The following PHLPP2 variants were observed in gnomAD, a reference collection of about 807,000 sequenced individuals.
PHLPP2 encodes the protein PH domain leucine-rich repeat-containing protein phosphatase 2.
PHLPP2 carries 66 observed loss-of-function variants against 124.9 expected under a neutral mutation model. That is an observed-to-expected ratio of 0.53 (90% CI 0.43 to 0.65). The LOEUF is 0.65. PHLPP2 is among the 30% of genes least tolerant of loss of function. PHLPP2 has a pLI of 0.00. For synonymous variants in PHLPP2, 681 were observed against 624.7 expected, an observed-to-expected ratio of 1.09 and a Z score of -1.34; for missense variants, 1,685 against 1,600.4, an observed-to-expected ratio of 1.05 and a Z score of -0.90.
At chr16:71,674,258 TAGTAG>T (rs2145331312) in intron 9 of PHLPP2, among the ~76,000 whole-genome samples, 1 of 152,216 alleles carries the variant, frequency 6.6e-6, no homozygotes, top group South Asian at 2.1e-4. Context: ...TTTGTATTTT[TAGTAG>T]AGATGGGGTT....
At chr16:71,708,701 A>C (rs1221086567) in intron 2 of PHLPP2, among the ~76,000 whole-genome samples, 1 of 152,158 alleles carries the variant, frequency 6.6e-6, no homozygotes, top group African/African-American at 2.4e-5. Flanking sequence ...CATGAGAATC[A>C]CTTGAACCCA....
intron 13 of PHLPP2, among the ~76,000 whole-genome samples, chr16:71,660,500 G>T (rs972160373): frequency 7.5e-6 from 1 of 133,950 alleles, no homozygotes; most frequent in Non-Finnish European, 1.5e-5. Flanking sequence ...ATCTTGGCTC[G>T]CTGCAACCTC....
chr16:71,672,856 T>C (rs1868468418), intron 9 of PHLPP2, among the ~76,000 whole-genome samples: 1 of 152,230 alleles, frequency 6.6e-6, no homozygotes, highest in Non-Finnish European at 1.5e-5. Flanking sequence ...TACATAAATA[T>C]ATGCATGCGG....
chr16:71,719,215 G>T (rs977329975), intron 1 of PHLPP2, among the ~76,000 whole-genome samples: 9 of 152,152 alleles, frequency 5.9e-5, no homozygotes, highest in African/African-American at 2.2e-4. Flanking sequence ...CATCAAACAA[G>T]TATACAAAGA....
At chr16:71,716,725 TC>T (rs1442571310) in intron 1 of PHLPP2, among the ~76,000 whole-genome samples, 1 of 152,160 alleles carries the variant, frequency 6.6e-6, no homozygotes, top group Non-Finnish European at 1.5e-5. Flanking sequence ...CTCCACCTCA[TC>T]CATATGACAA....
rs763942651 is a variant in PHLPP2, at chr16:71,669,293, A to G, written c.1610T>C (p.Leu537Pro). The G allele has an allele frequency of 6.2e-7, 1 of 1,610,932 alleles. No individual in the cohort carries two copies. Among genetic ancestry groups the G allele is most frequent in the South Asian group, 1.1e-5 (1 of 91,044 alleles). ...IEVLDVSYNL[L>P]TEVPVRILSS... The stretch of plus-strand genomic sequence containing the variant: ...CACATACCTCACGGGAACCTCTGTG[A>G]GAAGATTATAGCTCACATCTAATAC... Residue 537 changes from leucine (L) to proline (P), a missense_variant, in exon 11 of 19, where the codon CTC (leucine) becomes CCC (proline). Transcript: ENST00000568954.
chr16:71,723,799 G>A (rs2045414807), intron 1 of PHLPP2: 2 of 1,302,200 alleles, frequency 1.5e-6, no homozygotes, highest in African/African-American at 1.6e-5. Flanking sequence ...CCGGCCGGCG[G>A]CTCGCGGGCG....
At chr16:71,689,385 C>CTTT (rs57755507) in intron 4 of PHLPP2, among the ~76,000 whole-genome samples, 92 of 62,556 alleles carry the variant, frequency 1.5e-3, no homozygotes, top group African/African-American at 1.8e-3. Flanking sequence ...CTACACCTGG[C>CTTT]TTTTTTTTTT....
rs544240195 is a variant in PHLPP2, at chr16:71,646,591, CTTTAAT to C, written c.*2293_*2298del. Reference sequence around the variant, plus strand: ...TTAAAGTGGTGTATTCCCAAAATAACTTTAATTTTTAGACATCACTATTCTACAACC... The same window carrying C: ...TTAAAGTGGTGTATTCCCAAAATAACTTTTAGACATCACTATTCTACAACC... On this transcript the variant is annotated 3_prime_UTR_variant, in exon 19 of 19. Coordinates refer to ENST00000568954, the MANE Select transcript of PHLPP2 (RefSeq NM_015020.3). 20 of 152,248 alleles carry C rather than the reference CTTTAAT, an allele frequency of 1.3e-4. No homozygotes were observed. The South Asian group carries it at 3.9e-3, about 30-fold the overall frequency. 9.4% of individuals were successfully genotyped at this position (152,248 alleles called of 1,614,324 possible).
At chr16:71,668,660 G>A (rs1186570756) in intron 11 of PHLPP2, among the ~76,000 whole-genome samples, 1 of 151,734 alleles carries the variant, frequency 6.6e-6, no homozygotes, top group Non-Finnish European at 1.5e-5. Flanking sequence ...TACTGAGGGG[G>A]AGCTGAGGAC....
At chr16:71,699,505 C>A (rs1412773517) in intron 3 of PHLPP2, among the ~76,000 whole-genome samples, 1 of 152,166 alleles carries the variant, frequency 6.6e-6, no homozygotes, top group Non-Finnish European at 1.5e-5. Context: ...CCTTCCCATT[C>A]CCTTTCCAGC....
At chr16:71,665,326 A>G (rs896876335) in intron 12 of PHLPP2, among the ~76,000 whole-genome samples, 25 of 152,176 alleles carry the variant, frequency 1.6e-4, no homozygotes, top group Admixed American at 1.3e-3. Context: ...AATAAACTAT[A>G]CTTCCACAAG....
At chr16:71,712,506 C>T (rs753023604) in intron 2 of PHLPP2, among the ~76,000 whole-genome samples, 3 of 152,038 alleles carry the variant, frequency 2.0e-5, no homozygotes, top group African/African-American at 4.8e-5. Flanking sequence ...ATGAATACAC[C>T]ATATACTTAA....
chr16:71,647,696 C>T lies in PHLPP2; in HGVS notation c.*1194G>A, dbSNP rs1200920718. On this transcript the variant is annotated 3_prime_UTR_variant, in exon 19 of 19. Coordinates refer to ENST00000568954, the MANE Select transcript of PHLPP2 (RefSeq NM_015020.3). ...GGGAAAGACGCCAATCCCTAAATTT[C>T]CCTGGGAAATACCTAGCAGGTATCA... 2 of 152,138 alleles carry T rather than the reference C, an allele frequency of 1.3e-5. No homozygotes were observed. The highest frequency in any genetic ancestry group is 2.9e-5 in the Non-Finnish European group (2 of 68,018). 9.4% of individuals were successfully genotyped at this position (152,138 alleles called of 1,614,324 possible). A position where few individuals can be genotyped will look rare whatever the true frequency, so the allele number is the denominator to read the frequency against.
intron 2 of PHLPP2, among the ~76,000 whole-genome samples, chr16:71,705,635 C>T (rs1567627878): frequency 6.6e-6 from 1 of 152,102 alleles, no homozygotes; most frequent in Non-Finnish European, 1.5e-5. Context: ...CCTCAGCCTC[C>T]CGAGTAGCTG....
chr16:71,678,640 A>G (rs1192131408), intron 8 of PHLPP2, 115 bp downstream of exon 8: 3 of 670,014 alleles, frequency 4.5e-6, no homozygotes, highest in Non-Finnish European at 7.8e-6. Flanking sequence ...ACCTTGTCTC[A>G]AAACAACAAC....
In PHLPP2 at chr16:71,649,445, G is replaced by A. The variant is rs2145300593; in HGVS notation, c.3417C>T (p.Ser1139=). Residue 1139 remains serine (S), a synonymous_variant, in exon 19 of 19, where the codon TCC becomes TCT. Transcript: ENST00000568954. ...CCAGGCCGTTGTCAGACTGGTTACTGGAGAAGGTAGCAGAAGAAGGCTGGC... is the reference window on the plus strand; with the variant it reads ...CCAGGCCGTTGTCAGACTGGTTACTAGAGAAGGTAGCAGAAGAAGGCTGGC... The part of the protein sequence containing the change: ...FQRQPSSATF[S]SNQSDNGLDS... 1 of 1,614,118 alleles carries A rather than the reference G, an allele frequency of 6.2e-7. No individual in the cohort carries two copies. Among genetic ancestry groups the A allele is most frequent in the Non-Finnish European group, 8.5e-7 (1 of 1,179,992 alleles).
chr16:71,692,991 T>C (rs2045130343), intron 3 of PHLPP2, among the ~76,000 whole-genome samples: 1 of 152,158 alleles, frequency 6.6e-6, no homozygotes, highest in African/African-American at 2.4e-5. Flanking sequence ...TTACCATCAC[T>C]TAAAATTCAA....
At chr16:71,697,848 AT>A (rs142040816) in intron 3 of PHLPP2, among the ~76,000 whole-genome samples, 13,703 of 118,740 alleles carry the variant, frequency 0.12, 621 homozygotes, top group Non-Finnish European at 0.14. Context: ...AGGAAGTAGG[AT>A]TTTTTTTTTT....
Sources: allele counts gnomAD v4.1 joint callset (sites outside exome capture counted in the v4.1 genomes callset), GRCh38; gene constraint gnomAD v4.1.1; transcripts MANE v1.5; gene names NCBI Gene and HGNC (gene_info 2026-07-23, HGNC 2026-07-21).